NEB: variants seen among roughly 807,000 people sequenced by gnomAD.
NEB encodes nebulin, also known as nemaline myopathy type 2.
In NEB, 512 loss-of-function variants were observed where a neutral mutation model predicts 952.2. That is an observed-to-expected ratio of 0.54 (90% CI 0.50 to 0.58). NEB has a LOEUF of 0.58. Among genes scored for constraint, NEB ranks in the 20% least tolerant of loss-of-function variants. The pLI, the probability that NEB is intolerant of heterozygous loss-of-function variation, is 0.00. For missense variants in NEB, 8,428 were observed against 9,231.1 expected (o/e 0.91, Z 3.56); for synonymous variants, 2,900 against 3,149.8 (o/e 0.92, Z 2.66).
intron 10 of NEB, among the ~76,000 whole-genome samples, chr2:151,714,739 T>G (rs1035291502): frequency 6.6e-6 from 1 of 152,114 alleles, no homozygotes; most frequent in Admixed American, 6.5e-5. Flanking sequence ...AAAAATTTAT[T>G]TTTTTATACT....
chr2:151,619,798 C>A (rs1294192103), intron 72 of NEB, 36 bp from the exon 73 acceptor site: 1 of 1,571,934 alleles, frequency 6.4e-7, no homozygotes, highest in African/African-American at 1.4e-5. Flanking sequence ...GAAGGAAGCA[C>A]AAAGGGCTAT....
intron 10 of NEB, among the ~76,000 whole-genome samples, chr2:151,714,818 C>T (rs1559548883): frequency 6.6e-6 from 1 of 152,162 alleles, no homozygotes; most frequent in African/African-American, 2.4e-5. Flanking sequence ...GATCCTGCTG[C>T]AACATGGGCC....
chr2:151,709,612 C>T (rs2099737991), intron 12 of NEB, 44 bp downstream of exon 12: 6 of 1,438,472 alleles, frequency 4.2e-6, no homozygotes, highest in African/African-American at 1.4e-5. Context: ...AAGAAATTTA[C>T]CCACACTCAA....
In NEB at chr2:151,650,700, T is replaced by C; in HGVS notation, c.7101A>G (p.Val2367=). The C allele has an allele frequency of 1.2e-6, 2 of 1,613,966 alleles. No individual in the cohort carries two copies. Among genetic ancestry groups the C allele is most frequent in the South Asian group, 1.1e-5 (1 of 91,086 alleles). ...CCAACTCCTGACACTTCTTGGCCAG[T>C]ACCACTCCCAACATGTCCACTGGGC... is the stretch of plus-strand genomic sequence containing the variant. ...FSSPVDMLGV[V]LAKKCQELVS... Residue 2367 remains valine, a synonymous_variant, in exon 53 of 182, where the codon GTA becomes GTG. Transcript: ENST00000397345.
chr2:151,583,889 G>A lies in NEB; in HGVS notation c.15664-123C>T. On this transcript the variant is annotated intron_variant, in intron 100 of 181. Transcript: ENST00000397345. ...GGTATAAATTGGCTCAACATTGGCA[G>A]TCATTACATATTTCAGTTCACTTTA... 1.6e-5 allele frequency: 11 copies of A among 702,302 alleles called. 2 individuals carry two copies. The highest frequency in any genetic ancestry group is 1.7e-5 in the Non-Finnish European group (8 of 464,586). The allele number at this position is 702,302 out of a possible 1,614,324, so 43.5% of individuals were successfully genotyped here.
rs761174573 is a variant in NEB at position 151,621,008 on chromosome 2, T to C, written c.10471A>G (p.Met3491Val). The change falls in exon 72 of 182, where the codon ATG becomes GTG. Residue 3491 changes from methionine to valine, a missense_variant. Physicochemically the swap from Met to Val is conservative, Grantham distance 21. Coordinates refer to ENST00000397345, the MANE Select transcript of NEB (RefSeq NM_001164508.2). The stretch of plus-strand genomic sequence containing the variant: ...TAGCCTTCTTTCTTGGCTTCTTCCA[T>C]GGCCTGACGATAGAGGCTCTGAGGA... ...NYSESLYRQA[M>V]EEAKKEGYDL... 5.9e-5 allele frequency: 95 copies of C among 1,610,398 alleles called. No individual in the cohort carries two copies. Among genetic ancestry groups the C allele is most frequent in the Non-Finnish European group, 7.2e-5 (85 of 1,178,222 alleles).
At position 151,485,581 on chromosome 2, in the gene NEB, GTGTC is replaced by G; in HGVS notation, c.*175_*178del. ...AAATAATATTGCAGAAGCTTTTAAA[GTGTC>G]TGTTCTGCAACTTATTTTAAAACCC... On this transcript the variant is annotated 3_prime_UTR_variant, in exon 182 of 182. Coordinates refer to ENST00000397345, the MANE Select transcript of NEB (RefSeq NM_001164508.2). The G allele has an allele frequency of 2.1e-6, 1 of 485,188 alleles. No individual in the cohort carries two copies. Among genetic ancestry groups the G allele is most frequent in the Non-Finnish European group, 3.6e-6 (1 of 280,628 alleles). The allele number at this position is 485,188 out of a possible 1,614,324, so 30.1% of individuals were successfully genotyped here.
Position 151,499,285 on chromosome 2 carries a change from T to A in NEB, c.24114+13A>T. 1 of 1,358,564 alleles carries A rather than the reference T, an allele frequency of 7.4e-7. No homozygotes were observed. Among genetic ancestry groups the A allele is most frequent in the Admixed American group, 2.2e-5 (1 of 44,786 alleles). 84.2% of individuals were successfully genotyped at this position (1,358,564 alleles called of 1,614,324 possible). A position where few individuals can be genotyped will look rare whatever the true frequency, so the allele number is the denominator to read the frequency against. ...TTTTTAAATAATTAAAGGGATTTTT[T>A]ATTTTTAAATACCGAACTAAAGTTT... On this transcript the variant is annotated intron_variant, in intron 169 of 181. Transcript: ENST00000397345.
At chr2:151,526,311 A>T (rs773001560) in intron 148 of NEB, 49 bp from the exon 149 acceptor site, 1 of 1,256,188 alleles carries the variant, frequency 8.0e-7, no homozygotes, top group East Asian at 2.5e-5. Context: ...TGGATATCCT[A>T]CATATTTTTA....
Position 151,664,502 on chromosome 2 carries a change from T to C in NEB, c.5450A>G (p.Asp1817Gly), listed in dbSNP as rs2099187191. Residue 1817 changes from aspartate to glycine, a missense_variant and splice_region_variant, in exon 44 of 182, where the codon GAT becomes GGT. This residue lies in a region of NEB where 2,851 missense variants were observed against 2,791.5 expected (regional missense o/e 1.02). Transcript: ENST00000397345. ...AAAAGGCCCAGTGCAAGCACTTACA[T>C]CACTGGCAATGTCTCTAGAGGCTCT... ...AARASRDIAS[D>G]YKYKKAYEQA... The C allele has an allele frequency of 6.3e-7, 1 of 1,578,580 alleles. No homozygotes were observed. Among genetic ancestry groups the C allele is most frequent in the African/African-American group, 1.4e-5 (1 of 73,132 alleles).
intron 72 of NEB, 42 bp from the exon 73 acceptor site, chr2:151,619,804 G>T: frequency 1.9e-6 from 3 of 1,555,356 alleles, no homozygotes; most frequent in Non-Finnish European, 2.6e-6. Flanking sequence ...AGCACAAAGG[G>T]CTATTCCCTG....
chr2:151,515,016 T>C, intron 157 of NEB, 88 bp from the exon 158 acceptor site: 1 of 797,524 alleles, frequency 1.3e-6, no homozygotes. Context: ...AAAAACAGCA[T>C]TTTCTATGTA....
chr2:151,518,089 T>A lies in NEB; in HGVS notation c.22800+229A>T, dbSNP rs375763991. On this transcript the variant is annotated intron_variant, in intron 156 of 181. Transcript: ENST00000397345. ...GTCCCCTCATAAAACACACTCTTTA[T>A]GCTTCCAGCCCCTGCCAGTAGCACA... is the stretch of plus-strand genomic sequence containing the variant. Among the ~76,000 whole-genome samples, 4 of 152,222 alleles carry A rather than the reference T, an allele frequency of 2.6e-5. No homozygotes were observed. In the East Asian group the frequency reaches 5.8e-4, roughly 22 times the overall value.
rs146606674 is a variant in NEB, at chr2:151,491,623, A to C, written c.25150+60T>G. On this transcript the variant is annotated intron_variant, in intron 179 of 181. Transcript: ENST00000397345. ...GAACTTCAGAGCCCAAATGAAAGTC[A>C]TTGACTCTAGCATACTAAATGGTGA... 2.4e-3 allele frequency: 3,199 copies of C among 1,351,426 alleles called. 4 individuals are homozygous for C. Among genetic ancestry groups the C allele is most frequent in the Admixed American group, 5.1e-3 (257 of 50,684 alleles). 83.7% of individuals were successfully genotyped at this position (1,351,426 alleles called of 1,614,324 possible).
intron 6 of NEB, 72 bp from the exon 7 acceptor site, chr2:151,725,033 A>G: frequency 8.7e-7 from 1 of 1,147,552 alleles, no homozygotes; most frequent in Non-Finnish European, 1.3e-6. Flanking sequence ...ATTTCTTATA[A>G]CCACAGAGCA....
chr2:151,672,758 C>T, intron 36 of NEB, 78 bp from the exon 37 acceptor site: 1 of 1,292,422 alleles, frequency 7.7e-7, no homozygotes, highest in Non-Finnish European at 1.1e-6. Flanking sequence ...CATATAAAGA[C>T]ACTCAGAGCT....
rs2060164858 is a variant in NEB, at chr2:151,496,359, T to C, written c.24403A>G (p.Lys8135Glu). The change falls in exon 173 of 182, where the codon AAA becomes GAA. Residue 8135 changes from lysine (K) to glutamate (E), a missense_variant. Around this residue, in one of 11 missense-constraint regions of NEB, gnomAD observed 3,374 missense variants for 3,651.5 expected, o/e 0.92. Transcript: ENST00000397345. ...NQENISSVLY[K>E]ENMGKGTPLA... ...GGAGTTCCCTTGCCCATGTTTTCTT[T>C]GTATAACACCTGTGCGATGAGAAAG... 6.2e-7 allele frequency: 1 copy of C among 1,609,042 alleles called. No homozygotes were observed. Among genetic ancestry groups the C allele is most frequent in the South Asian group, 1.1e-5 (1 of 90,110 alleles).
intron 165 of NEB, among the ~76,000 whole-genome samples, chr2:151,504,243 G>T (rs1014229426): frequency 2.0e-5 from 3 of 152,200 alleles, no homozygotes; most frequent in African/African-American, 7.2e-5. Flanking sequence ...CTTAAAATCA[G>T]TGACAAGCTA....
At chr2:151,520,626 A>G (rs983210974) in intron 153 of NEB, among the ~76,000 whole-genome samples, 17 of 152,164 alleles carry the variant, frequency 1.1e-4, no homozygotes, top group African/African-American at 3.6e-4. Context: ...GCACTTTAGG[A>G]GGCCAAGGTG....
Sources: gnomAD v4.1 joint callset for allele counts (sites outside exome capture counted in the v4.1 genomes callset) on GRCh38, gnomAD v4.1.1 for gene constraint, gnomAD v4.1.1 regional missense constraint, MANE v1.5 for transcripts, NCBI Gene and HGNC (gene_info 2026-07-23, HGNC 2026-07-21) for gene names.